Variants in COL21A1 observed in about 807,000 individuals in gnomAD.
The protein encoded by COL21A1 is collagen alpha-1(XXI) chain.
In COL21A1, 149 loss-of-function variants were observed where a neutral mutation model predicts 137.9. The ratio of observed to expected loss-of-function variants is 1.08; its 90% CI spans 0.95 to 1.24. The LOEUF is 1.24. Among genes scored for constraint, COL21A1 ranks in the 50% most tolerant of loss-of-function variants. COL21A1 has a pLI of 0.00. For synonymous variants in COL21A1, 456 were observed against 391.5 expected (o/e 1.16, Z -1.95); for missense variants, 1,167 against 1,158.4 (o/e 1.01, Z -0.11).
At position 56,290,498 on chromosome 6, in the gene COL21A1, G is replaced by GGTTTTT. The variant is rs371058894; in HGVS notation, c.-39+103472_-39+103473insAAAAAC. The stretch of plus-strand genomic sequence containing the variant: ...AGATGCATATTAGAATCACTTAGGA[G>GGTTTTT]ATTTTTTTTTTTTTTTTTTGAGACG... On this transcript the variant is annotated intron_variant, in intron 1 of 28. Transcript: ENST00000370819. 5.8e-4 allele frequency among the ~76,000 whole-genome samples: 77 copies of GGTTTTT among 132,952 alleles called. 1 individual carries two copies. Among genetic ancestry groups the GGTTTTT allele is most frequent in the Non-Finnish European group, 7.1e-4 (46 of 64,408 alleles). The allele number at this position is 132,952 out of a possible 152,430, so 87.2% of individuals were successfully genotyped here. A position where few individuals can be genotyped will look rare whatever the true frequency, so the allele number is the denominator to read the frequency against.
At chr6:56,144,243 G>A (rs745887855) in intron 10 of COL21A1, among the ~76,000 whole-genome samples, 9 of 152,122 alleles carry the variant, frequency 5.9e-5, no homozygotes, top group Non-Finnish European at 1.3e-4. Context: ...CAGAAGTTGA[G>A]TAACTTGCCC....
chr6:56,248,870 CA>C (rs1782775923), upstream of COL21A1, among the ~76,000 whole-genome samples: 2 of 152,066 alleles, frequency 1.3e-5, no homozygotes, highest in Non-Finnish European at 2.9e-5. Flanking sequence ...ACACCAAAAG[CA>C]CAAGCAATTC....
chr6:56,226,413 T>G (rs1028364828), intron 1 of COL21A1, among the ~76,000 whole-genome samples: 1 of 152,066 alleles, frequency 6.6e-6, no homozygotes, highest in African/African-American at 2.4e-5. Context: ...CTCTTCCTCA[T>G]AATCCCAGAG....
intron 12 of COL21A1, among the ~76,000 whole-genome samples, chr6:56,138,770 C>G (rs1774187867): frequency 6.6e-6 from 1 of 152,034 alleles, no homozygotes; most frequent in Non-Finnish European, 1.5e-5. Flanking sequence ...AAAGGCAAAC[C>G]TTTTGGAGCA....
intron 1 of COL21A1, among the ~76,000 whole-genome samples, chr6:56,277,784 T>C (rs1234478255): frequency 6.6e-6 from 1 of 152,184 alleles, no homozygotes; most frequent in Non-Finnish European, 1.5e-5. Flanking sequence ...ATGTGAACCA[T>C]AAAAATGTTA....
intron 1 of COL21A1, among the ~76,000 whole-genome samples, chr6:56,189,602 T>A (rs1401596756): frequency 6.6e-6 from 1 of 152,004 alleles, no homozygotes; most frequent in African/African-American, 2.4e-5. Flanking sequence ...ACATTCAAAT[T>A]CAGGAAATAC....
Position 56,189,877 on chromosome 6 carries a change from T to G in COL21A1, c.-38-7221A>C, listed in dbSNP as rs186187518. Among the ~76,000 whole-genome samples the G allele has an allele frequency of 6.4e-4, 98 of 152,262 alleles. 2 individuals are homozygous for G. The East Asian group carries it at 0.018, about 28-fold the overall frequency. On this transcript the variant is annotated intron_variant, in intron 1 of 29. Transcript: ENST00000244728. ...TCATATCCAGCCAAACTAAGCTTCATAAGCTAAGGAGAAATAAAATCCTTT... is the reference window on the plus strand; with the variant it reads ...TCATATCCAGCCAAACTAAGCTTCAGAAGCTAAGGAGAAATAAAATCCTTT...
chr6:56,060,951 A>G lies in COL21A1; in HGVS notation c.2292T>C (p.Gly764=). 3 of 1,607,548 alleles carry G rather than the reference A, an allele frequency of 1.9e-6. No homozygotes were observed. The highest frequency in any genetic ancestry group is 2.5e-6 in the Non-Finnish European group (3 of 1,177,520). ...CTGGATCCCCAGGTTGCCCCTTAGG[A>G]CCTGCGGGCCCCATCAAGCCATCCA... The part of the protein sequence containing the change: ...SGVDGLMGPA[G]PKGQPGDPGP... The change falls in exon 26 of 30, where the codon GGT becomes GGC. Residue 764 remains glycine (G), a synonymous_variant. Coordinates refer to ENST00000244728, the MANE Select transcript of COL21A1 (RefSeq NM_030820.4).
At chr6:56,311,358 G>T (rs559305825) in intron 1 of COL21A1, among the ~76,000 whole-genome samples, 1 of 152,176 alleles carries the variant, frequency 6.6e-6, no homozygotes, top group Admixed American at 6.5e-5. Flanking sequence ...AGAGTCACTC[G>T]GGCTCAGGCA....
chr6:56,289,305 G>C (rs1582758714), intron 1 of COL21A1, among the ~76,000 whole-genome samples: 1 of 152,190 alleles, frequency 6.6e-6, no homozygotes, highest in Non-Finnish European at 1.5e-5. Flanking sequence ...TGACGCCAGA[G>C]TTCCTTCCAG....
intron 10 of COL21A1, among the ~76,000 whole-genome samples, chr6:56,142,328 T>C (rs1032179571): frequency 7.9e-5 from 12 of 152,206 alleles, no homozygotes; most frequent in African/African-American, 1.4e-4. Context: ...CTTCAAGAGA[T>C]TGGAGGATTA....
At chr6:56,307,558 T>C (rs1764497764) in intron 1 of COL21A1, among the ~76,000 whole-genome samples, 1 of 152,214 alleles carries the variant, frequency 6.6e-6, no homozygotes, top group Admixed American at 6.5e-5. Flanking sequence ...TGCCATTTGC[T>C]AAGACCGTTG....
chr6:56,249,906 C>G (rs533638077), upstream of COL21A1, among the ~76,000 whole-genome samples: 1 of 152,162 alleles, frequency 6.6e-6, no homozygotes, highest in East Asian at 1.9e-4. Flanking sequence ...TGATTTGTAC[C>G]CTTTTAGTGG....
At chr6:56,321,181 C>A (rs1402158754) in intron 1 of COL21A1, among the ~76,000 whole-genome samples, 1 of 152,152 alleles carries the variant, frequency 6.6e-6, no homozygotes, top group Non-Finnish European at 1.5e-5. Flanking sequence ...TTCTGCACAT[C>A]TTATGAGTCA....
chr6:56,363,965 C>T (rs965821582), intron 1 of COL21A1, among the ~76,000 whole-genome samples: 13 of 152,196 alleles, frequency 8.5e-5, no homozygotes, highest in African/African-American at 3.1e-4. Context: ...TGGACAAACT[C>T]AGAGTTTGCA....
At chr6:56,247,607 A>G (rs572971056), upstream of COL21A1, 5 of 152,354 alleles carry the variant, frequency 3.3e-5, no homozygotes, top group South Asian at 8.3e-4. Context: ...AGCCCGGGAG[A>G]TAAGGTTCGC....
chr6:56,242,233 T>G (rs924562229), intron 1 of COL21A1, among the ~76,000 whole-genome samples: 1 of 152,132 alleles, frequency 6.6e-6, no homozygotes, highest in African/African-American at 2.4e-5. Context: ...AATAAGTTGT[T>G]TCCATTGAAT....
chr6:56,150,299 ACGAGGCCAGGAAAT>A (rs1181429560), intron 10 of COL21A1, among the ~76,000 whole-genome samples: 1 of 152,126 alleles, frequency 6.6e-6, no homozygotes, highest in Non-Finnish European at 1.5e-5. Context: ...CGGGCGGATC[ACGAGGCCAGGAAAT>A]CGAGACCATC....
intron 10 of COL21A1, among the ~76,000 whole-genome samples, chr6:56,150,565 C>A (rs2764046): frequency 0.42 from 46,888 of 112,340 alleles, 8,928 homozygotes; most frequent in East Asian, 0.6. Flanking sequence ...CACACACACA[C>A]AAGAGTGGGG....
Sources: gnomAD v4.1 joint callset for allele counts (sites outside exome capture counted in the v4.1 genomes callset) on GRCh38, gnomAD v4.1.1 for gene constraint, MANE v1.5 for transcripts, NCBI Gene and HGNC (gene_info 2026-07-23, HGNC 2026-07-21) for gene names.